F9: variants seen among roughly 807,000 people sequenced by gnomAD.
F9 encodes the protein Christmas factor.
F9 carries 2 observed loss-of-function variants against 34.1 expected under a neutral mutation model. The ratio of observed to expected loss-of-function variants is 0.06; its 90% confidence interval spans 0.02 to 0.18. The LOEUF (loss-of-function observed/expected upper bound fraction) is 0.18, where lower values mean the gene tolerates loss of function less well. Among genes scored for constraint, F9 ranks in the 10% least tolerant of loss-of-function variants. The pLI is 1.00. For missense variants in F9, 216 were observed against 345.1 expected, an observed-to-expected ratio of 0.63 and a Z score of 2.96; for synonymous variants, 137 against 118.8, an observed-to-expected ratio of 1.15 and a Z score of -1.00.
At chrX:139,545,051 C>G (rs1927684216) in intron 4 of F9, 1 of 111,694 alleles carries the variant, frequency 9.0e-6, no homozygotes, top group African/African-American at 3.3e-5. Context: ...CAAGGATACA[C>G]CCATAGGAGG....
chrX:139,561,711 G>A lies in F9; in HGVS notation c.1026G>A (p.Thr342=), dbSNP rs954954812. The change falls in exon 8 of 8, where the codon ACG becomes ACA. Residue 342 remains threonine, a synonymous_variant. Coordinates refer to ENST00000218099, the MANE Select transcript of F9 (RefSeq NM_000133.4). ...TTTGCATTGCTGACAAGGAATACAC[G>A]AACATCTTCCTCAAATTTGGATCTG... is the stretch of plus-strand genomic sequence containing the variant. ...TPICIADKEY[T]NIFLKFGSGY... The A allele has an allele frequency of 1.7e-5, 20 of 1,210,129 alleles. No homozygotes were observed. The highest frequency in any genetic ancestry group is 4.4e-5 in the Admixed American group (2 of 45,767).
chrX:139,554,984 A>T (rs948502536), intron 6 of F9, among the ~76,000 whole-genome samples: 6 of 111,811 alleles, frequency 5.4e-5, no homozygotes, highest in African/African-American at 2.0e-4. Flanking sequence ...GGTGTAGGTG[A>T]GCTGTTTGCA....
Position 139,562,827 on chromosome X carries a change from C to G in F9, c.*756C>G, listed in dbSNP as rs1354147121. 1 of 104,231 alleles carries G rather than the reference C, an allele frequency of 9.6e-6. No homozygotes were observed. Among genetic ancestry groups the G allele is most frequent in the Non-Finnish European group, 2.0e-5 (1 of 51,276 alleles). The allele number at this position is 104,231 out of a possible 1,213,427, so 8.6% of individuals were successfully genotyped here. A position where few individuals can be genotyped will look rare whatever the true frequency, so the allele number is the denominator to read the frequency against. On this transcript the variant is annotated 3_prime_UTR_variant, in exon 8 of 8. Coordinates refer to ENST00000218099, the MANE Select transcript of F9 (RefSeq NM_000133.4). Reference sequence around the variant, plus strand: ...CCTGAAAAGTTTGGGGGAAAAGTTTCTTTCAGAGAGTTAAGTTATTTTATA... The same window carrying G: ...CCTGAAAAGTTTGGGGGAAAAGTTTGTTTCAGAGAGTTAAGTTATTTTATA...
intron 5 of F9, among the ~76,000 whole-genome samples, chrX:139,549,763 G>A (rs1927799521): frequency 8.9e-6 from 1 of 112,364 alleles, no homozygotes; most frequent in Admixed American, 9.4e-5. Flanking sequence ...GCATATCACA[G>A]TGCTGCAGAG....
intron 5 of F9, among the ~76,000 whole-genome samples, chrX:139,550,180 G>A (rs2148361956): frequency 8.9e-6 from 1 of 112,276 alleles, no homozygotes; most frequent in East Asian, 2.8e-4. Flanking sequence ...AAGCTTTTCT[G>A]CCTTTTCAAT....
At chrX:139,548,276 T>C (rs183920474) in intron 4 of F9, 87 bp from the exon 5 acceptor site, 2 of 1,011,400 alleles carry the variant, frequency 2.0e-6, no homozygotes, top group East Asian at 6.2e-5. Flanking sequence ...CAATGTATAT[T>C]TGACCCATAC....
chrX:139,537,507 C>T, intron 3 of F9, 121 bp downstream of exon 3: 1 of 576,740 alleles, frequency 1.7e-6, no homozygotes, highest in Non-Finnish European at 2.9e-6. Context: ...AAGATCAGTC[C>T]AACCCTCTAA....
At chrX:139,541,387 C>T (rs936979547) in intron 4 of F9, among the ~76,000 whole-genome samples, 198 bp downstream of exon 4, 5 of 111,468 alleles carry the variant, frequency 4.5e-5, no homozygotes, top group Non-Finnish European at 9.4e-5. Context: ...TATTTGGTAA[C>T]TAATATTAAG....
intron 6 of F9, among the ~76,000 whole-genome samples, chrX:139,559,294 C>T (rs750464085): frequency 8.9e-6 from 1 of 112,589 alleles, no homozygotes; most frequent in South Asian, 3.6e-4. Flanking sequence ...GTGGCTCACG[C>T]CTGTAATCCC....
In F9 at chrX:139,562,074, A is replaced by G. The variant is rs1402233903; in HGVS notation, c.*3A>G. On this transcript the variant is annotated 3_prime_UTR_variant, in exon 8 of 8. Coordinates refer to ENST00000218099, the MANE Select transcript of F9 (RefSeq NM_000133.4). ...AGGAAAAAACAAAGCTCACTTAATG[A>G]AAGATGGATTTCCAAGGTTAATTCA... 2.5e-6 allele frequency: 3 copies of G among 1,205,104 alleles called. No homozygotes were observed. The Admixed American group carries it at 6.6e-5, about 26-fold the overall frequency.
intron 4 of F9, 26 bp from the exon 5 acceptor site, chrX:139,548,337 G>A (rs1343651875): frequency 6.6e-6 from 8 of 1,203,669 alleles, no homozygotes; most frequent in Admixed American, 2.2e-5. Context: ...AAATGATGCT[G>A]TTACTGTCTA....
rs757272947 is a variant in F9, at chrX:139,548,356, C to A, written c.392-7C>A. Reference sequence around the variant, plus strand: ...GATGCTGTTACTGTCTATTTTGCTTCTTTTAGATGTAACATGTAACATTAA... The same window carrying A: ...GATGCTGTTACTGTCTATTTTGCTTATTTTAGATGTAACATGTAACATTAA... On this transcript the variant is annotated splice_region_variant and splice_polypyrimidine_tract_variant and intron_variant, in intron 4 of 7. Transcript: ENST00000218099. 1 of 1,209,486 alleles carries A rather than the reference C, an allele frequency of 8.3e-7. No homozygotes were observed. The highest frequency in any genetic ancestry group is 1.1e-6 in the Non-Finnish European group (1 of 894,018).
At chrX:139,532,111 G>A (rs1055180648) in intron 1 of F9, among the ~76,000 whole-genome samples, 1 of 111,689 alleles carries the variant, frequency 9.0e-6, no homozygotes, top group Admixed American at 9.5e-5. Context: ...TAAGAATAAG[G>A]ATGAACCAGG....
intron 6 of F9, among the ~76,000 whole-genome samples, chrX:139,558,878 G>T (rs908917625): frequency 9.0e-6 from 1 of 111,580 alleles, no homozygotes; most frequent in Admixed American, 9.5e-5. Flanking sequence ...ATTTTATAAG[G>T]ATCCCCAGAT....
chrX:139,558,783 A>G (rs1318093519), intron 6 of F9, among the ~76,000 whole-genome samples: 3 of 112,217 alleles, frequency 2.7e-5, no homozygotes, highest in Non-Finnish European at 3.8e-5. Flanking sequence ...AATTATGTAA[A>G]GAATATTCTG....
At chrX:139,553,163 G>C (rs931993306) in intron 6 of F9, among the ~76,000 whole-genome samples, 7 of 111,337 alleles carry the variant, frequency 6.3e-5, no homozygotes, top group African/African-American at 2.3e-4. Flanking sequence ...TCATAAATGG[G>C]ACACTGTATG....
intron 1 of F9, among the ~76,000 whole-genome samples, chrX:139,533,743 A>C (rs1424505534): frequency 8.9e-6 from 1 of 111,914 alleles, no homozygotes; most frequent in Non-Finnish European, 1.9e-5. Flanking sequence ...CCTGTAGGGC[A>C]TAAATATACT....
At chrX:139,550,929 T>C in intron 5 of F9, 133 bp from the exon 6 acceptor site, 1 of 511,907 alleles carries the variant, frequency 2.0e-6, no homozygotes, top group Non-Finnish European at 3.3e-6. Context: ...ATTCACTGAT[T>C]AGATTTTTTT....
In F9 at chrX:139,551,246, A is replaced by G; in HGVS notation, c.705A>G (p.Pro235=). ...TTGTTGGTGGAGAAGATGCCAAACC[A>G]GGTCAATTCCCTTGGCAGGTACTTT... ...TRVVGGEDAK[P]GQFPWQVVLN... is the part of the protein sequence containing the mutation. Residue 235 remains proline (P), a synonymous_variant, in exon 6 of 8, where the codon CCA becomes CCG. Coordinates refer to ENST00000218099, the MANE Select transcript of F9 (RefSeq NM_000133.4). 1 of 1,210,638 alleles carries G rather than the reference A, an allele frequency of 8.3e-7. No homozygotes were observed. Among genetic ancestry groups the G allele is most frequent in the Non-Finnish European group, 1.1e-6 (1 of 894,455 alleles).
Sources: gnomAD v4.1 joint callset for allele counts (sites outside exome capture counted in the v4.1 genomes callset) on GRCh38, gnomAD v4.1.1 for gene constraint, MANE v1.5 for transcripts, NCBI Gene and HGNC (gene_info 2026-07-23, HGNC 2026-07-21) for gene names.